Variants in MTSS2 observed in about 807,000 individuals in gnomAD.
The protein encoded by MTSS2 is protein MTSS 2.
Under a neutral mutation model 67.1 loss-of-function variants are expected in MTSS2, and 27 were observed. The observed-to-expected ratio is 0.40, with a 90% CI of 0.30 to 0.55. The LOEUF is 0.55. Among genes scored for constraint, MTSS2 ranks in the 20% least tolerant of loss-of-function variants. The pLI is 0.43. For synonymous variants in MTSS2, 624 were observed against 468.6 expected (o/e 1.33, Z -4.28); for missense variants, 1,171 against 1,067.8 (o/e 1.10, Z -1.35).
chr16:70,663,747 AC>A lies in MTSS2; in HGVS notation c.2173del (p.Val725TrpfsTer43). ...GAGCCGGACCCCACGCCGGATGGCC[AC>A]CAGCATGTCTTCGGCCGGGGGGTCG... is the stretch of plus-strand genomic sequence containing the variant. ...TSDPPAEDMLVAIRRGVRLRR... is the reference protein window; with the variant it reads ...TSDPPAEDMLXAIRRGVRLRR... On this transcript the variant is annotated frameshift_variant, in exon 15 of 15. Transcript: ENST00000338779. LOFTEE classifies it high-confidence loss of function. The A allele has an allele frequency of 6.4e-7, 1 of 1,570,722 alleles. No individual in the cohort carries two copies. The highest frequency in any genetic ancestry group is 1.2e-5 in the South Asian group (1 of 86,082).
chr16:70,679,867 C>T lies in MTSS2; in HGVS notation c.301G>A (p.Glu101Lys). The change falls in exon 5 of 15, where the codon GAG becomes AAG. Residue 101 changes from glutamate to lysine, a missense_variant. Glu to Lys is a moderately conservative substitution (Grantham distance 56). Around this residue, in one of 2 missense-constraint regions of MTSS2, gnomAD observed 247 missense variants for 311.8 expected, o/e 0.79. Coordinates refer to ENST00000338779, the MANE Select transcript of MTSS2 (RefSeq NM_138383.3). ...TCCTGCAGCGGGTTGATGAGGCTCT[C>T]CAGCAGTGCGCTGCGGAGGGCGGGC... Reference protein sequence around the residue: ...KLRQFTNALLESLINPLQERI... With the variant: ...KLRQFTNALLKSLINPLQERI... 5 of 1,601,460 alleles carry T rather than the reference C, an allele frequency of 3.1e-6. No individual in the cohort carries two copies. Among genetic ancestry groups the T allele is most frequent in the South Asian group, 1.1e-5 (1 of 90,702 alleles).
intron 11 of MTSS2, among the ~76,000 whole-genome samples, chr16:70,666,137 G>T (rs549258642): frequency 6.6e-6 from 1 of 152,322 alleles, no homozygotes; most frequent in East Asian, 1.9e-4. Context: ...GGCTGCTGAT[G>T]CGCATCAGGT....
intron 10 of MTSS2, 63 bp from the exon 11 acceptor site, chr16:70,674,591 G>C (rs1345772011): frequency 4.1e-6 from 6 of 1,467,736 alleles, no homozygotes; most frequent in South Asian, 2.3e-5. Context: ...GTGTGTTTGG[G>C]GGAGGTTGAC....
At chr16:70,670,862 T>C (rs995780708) in intron 11 of MTSS2, among the ~76,000 whole-genome samples, 1 of 147,928 alleles carries the variant, frequency 6.8e-6, no homozygotes, top group Non-Finnish European at 1.5e-5. Context: ...CCCAGCTAAT[T>C]GGGAGGCTGA....
intron 1 of MTSS2, among the ~76,000 whole-genome samples, chr16:70,684,984 T>C (rs2053408155): frequency 6.6e-6 from 1 of 152,128 alleles, no homozygotes; most frequent in South Asian, 2.1e-4. Context: ...GAATGGGTGG[T>C]TGGATCCAGC....
chr16:70,661,641 C>CG lies in MTSS2; in HGVS notation c.*2035dup. 1 of 326,702 alleles carries CG rather than the reference C, an allele frequency of 3.1e-6. No homozygotes were observed. Among genetic ancestry groups the CG allele is most frequent in the Non-Finnish European group, 5.9e-6 (1 of 168,168 alleles). 20.2% of individuals were successfully genotyped at this position (326,702 alleles called of 1,614,324 possible). A position where few individuals can be genotyped will look rare whatever the true frequency, so the allele number is the denominator to read the frequency against. On this transcript the variant is annotated 3_prime_UTR_variant, in exon 15 of 15. Coordinates refer to ENST00000338779, the MANE Select transcript of MTSS2 (RefSeq NM_138383.3). ...GGTTGCTAAGTCGACGCAAGGGCGG[C>CG]GGGGGTGGTCTCAGGGATGGACAAG...
In MTSS2 at chr16:70,664,318, G is replaced by A. The variant is rs1361434762; in HGVS notation, c.1603C>T (p.Arg535Cys). The change falls in exon 15 of 15, where the codon CGC (arginine) becomes TGC (cysteine). Residue 535 changes from arginine (R) to cysteine (C), a missense_variant. Arg to Cys is a radical substitution (Grantham distance 180). Around this residue, in one of 2 missense-constraint regions of MTSS2, gnomAD observed 924 missense variants for 756.0 expected, o/e 1.22. Coordinates refer to ENST00000338779, the MANE Select transcript of MTSS2 (RefSeq NM_138383.3). ...GGCAGCCCAGCAGTGGAGGCTGGGC[G>A]CTTGGTCTGGATCAGGCGGCGGTAG... ...QNYRRLIQTK[R>C]PASTAGLPTA... 6 of 1,592,814 alleles carry A rather than the reference G, an allele frequency of 3.8e-6. No homozygotes were observed. The highest frequency in any genetic ancestry group is 2.3e-5 in the South Asian group (2 of 87,866).
At chr16:70,680,908 C>CGGGGGGGGGGGGGGTTGGGGGGG in intron 2 of MTSS2, 41 bp from the exon 3 acceptor site, 1 of 1,174,318 alleles carries the variant, frequency 8.5e-7, no homozygotes, top group Non-Finnish European at 1.2e-6. Context: ...GGTGGTTGGG[C>CGGGGGGGGGGGGGGTTGGGGGGG]GGGGGGGGGG....
In MTSS2 at chr16:70,663,978, G is replaced by A. The variant is rs2052592339; in HGVS notation, c.1943C>T (p.Pro648Leu). Residue 648 changes from proline to leucine, a missense_variant, in exon 15 of 15, where the codon CCA becomes CTA. Pro to Leu is a moderately conservative substitution (Grantham distance 98, BLOSUM62 -3). Transcript: ENST00000338779. ...GGGGTACCCGGCTGCCTCTGGGGAT[G>A]GGCTGCCCCAGGCTGTGTTGGGCAG... ...LSLPNTAWGS[P>L]SPEAAGYPGA... 1 of 1,580,876 alleles carries A rather than the reference G, an allele frequency of 6.3e-7. No homozygotes were observed. Among genetic ancestry groups the A allele is most frequent in the African/African-American group, 1.3e-5 (1 of 74,454 alleles).
intron 3 of MTSS2, 119 bp from the exon 4 acceptor site, chr16:70,680,174 G>T: frequency 2.1e-6 from 1 of 487,666 alleles, no homozygotes; most frequent in Non-Finnish European, 2.9e-6. Flanking sequence ...CCCTGCCCCC[G>T]CCGAGCCGCA....
At chr16:70,683,135 ACT>A (rs1234502901) in intron 1 of MTSS2, among the ~76,000 whole-genome samples, 1 of 151,832 alleles carries the variant, frequency 6.6e-6, no homozygotes, top group African/African-American at 2.4e-5. Flanking sequence ...GGATGAGGGG[ACT>A]CTGTCTCTGT....
chr16:70,675,568 C>T (rs770495527), intron 10 of MTSS2, among the ~76,000 whole-genome samples: 3 of 152,192 alleles, frequency 2.0e-5, no homozygotes, highest in Non-Finnish European at 4.4e-5. Context: ...GCACACACCA[C>T]CATGCCCGGC....
rs745972895 is a variant in MTSS2 at position 70,665,053 on chromosome 16, G to C, written c.1172C>G (p.Thr391Ser). The C allele has an allele frequency of 6.9e-6, 11 of 1,597,826 alleles. No individual in the cohort carries two copies. The highest frequency in any genetic ancestry group is 1.3e-5 in the African/African-American group (1 of 74,932). ...CACTCGGTCCTTCCTCCGCTGCAGAGTGGCGCCTGAGGGCTGCTCATGGGA... is the reference window on the plus strand; with the variant it reads ...CACTCGGTCCTTCCTCCGCTGCAGACTGGCGCCTGAGGGCTGCTCATGGGA... Reference protein sequence around the residue: ...VGSHEQPSGATLQRRKDRVEL... With the variant: ...VGSHEQPSGASLQRRKDRVEL... The change falls in exon 13 of 15, where the codon ACT (threonine) becomes AGT (serine). Residue 391 changes from threonine (T) to serine (S), a missense_variant. By Grantham distance (58) the Thr-to-Ser change is moderately conservative. Around this residue, in one of 2 missense-constraint regions of MTSS2, gnomAD observed 924 missense variants for 756.0 expected, o/e 1.22. Transcript: ENST00000338779.
chr16:70,670,086 C>A (rs2052875599), intron 11 of MTSS2, among the ~76,000 whole-genome samples: 1 of 151,506 alleles, frequency 6.6e-6, no homozygotes, highest in South Asian at 2.1e-4. Flanking sequence ...GCCTGGCCAA[C>A]ATGGCAAAAC....
chr16:70,684,634 G>T (rs1463696818), intron 1 of MTSS2, among the ~76,000 whole-genome samples: 1 of 152,214 alleles, frequency 6.6e-6, no homozygotes, highest in South Asian at 2.1e-4. Flanking sequence ...GCTGGGCTGT[G>T]GGGGTGGGGG....
intron 10 of MTSS2, among the ~76,000 whole-genome samples, chr16:70,676,675 C>T (rs1381680331): frequency 6.6e-6 from 1 of 152,220 alleles, no homozygotes; most frequent in African/African-American, 2.4e-5. Context: ...CCCCTGCTTC[C>T]TATTCTGCCA....
intron 14 of MTSS2, 71 bp downstream of exon 14, chr16:70,664,527 G>T: frequency 6.3e-7 from 1 of 1,576,358 alleles, no homozygotes. Context: ...GCACAGAGGG[G>T]GAAGGACGGG....
intron 1 of MTSS2, among the ~76,000 whole-genome samples, chr16:70,681,350 C>T (rs113227609): frequency 9.8e-5 from 15 of 152,336 alleles, no homozygotes; most frequent in Middle Eastern, 3.4e-3. Context: ...CCTGTCCCCT[C>T]GGGGTTTCCC....
intron 14 of MTSS2, 34 bp from the exon 15 acceptor site, chr16:70,664,483 C>G (rs778333218): frequency 1.9e-6 from 3 of 1,541,826 alleles, no homozygotes; most frequent in South Asian, 1.3e-5. Flanking sequence ...GCCCAGGGCC[C>G]AGGTGGCCCC....
Sources: gnomAD v4.1 joint callset for allele counts (sites outside exome capture counted in the v4.1 genomes callset) on GRCh38, gnomAD v4.1.1 for gene constraint, gnomAD v4.1.1 regional missense constraint, MANE v1.5 for transcripts, NCBI Gene and HGNC (gene_info 2026-07-23, HGNC 2026-07-21) for gene names.